Variants in AVPI1 observed in about 807,000 individuals in gnomAD.
AVPI1 encodes arginine vasopressin induced 1.
Under a neutral mutation model 11.9 loss-of-function variants are expected in AVPI1, and 9 were observed. The ratio of observed to expected loss-of-function variants is 0.76; its 90% CI spans 0.46 to 1.32. The LOEUF is 1.32. Among genes scored for constraint, AVPI1 ranks in the 40% most tolerant of loss-of-function variants. The probability of loss-of-function intolerance (pLI) is 0.00; values close to 1 mark genes in which losing one functional copy is unlikely to be tolerated. For synonymous variants in AVPI1, 68 were observed against 78.1 expected (o/e 0.87, Z 0.68); for missense variants, 207 against 195.8 (o/e 1.06, Z -0.34).
chr10:97,682,042 G>A (rs1282586942), intron 1 of AVPI1, among the ~76,000 whole-genome samples: 2 of 152,228 alleles, frequency 1.3e-5, no homozygotes, highest in Non-Finnish European at 2.9e-5. Context: ...GCAGGAGGAT[G>A]TGCGCAGTCT....
At chr10:97,683,427 G>T (rs1437753367) in intron 1 of AVPI1, among the ~76,000 whole-genome samples, 1 of 152,214 alleles carries the variant, frequency 6.6e-6, no homozygotes, top group African/African-American at 2.4e-5. Context: ...CCAAAGTGTT[G>T]TGATTACAGG....
At chr10:97,682,732 G>A (rs529647944) in intron 1 of AVPI1, among the ~76,000 whole-genome samples, 1 of 152,220 alleles carries the variant, frequency 6.6e-6, no homozygotes, top group South Asian at 2.1e-4. Flanking sequence ...GTTTTCAAAA[G>A]ATTTAACAAC....
chr10:97,680,314 A>T (rs1300170666), intron 1 of AVPI1, among the ~76,000 whole-genome samples: 1 of 152,230 alleles, frequency 6.6e-6, no homozygotes, highest in Non-Finnish European at 1.5e-5. Flanking sequence ...AGGCACCTGT[A>T]ACAGCTTGCT....
intron 2 of AVPI1, among the ~76,000 whole-genome samples, chr10:97,679,246 G>C (rs193201092): frequency 9.2e-4 from 138 of 149,742 alleles, no homozygotes; most frequent in Middle Eastern, 6.8e-3. Flanking sequence ...CCAGATTCAA[G>C]TGACTCTCCT....
Position 97,679,560 on chromosome 10 carries a change from T to A in AVPI1, c.287+59A>T. 4 of 1,523,040 alleles carry A rather than the reference T, an allele frequency of 2.6e-6. No homozygotes were observed. The South Asian group carries it at 3.9e-5, about 15-fold the overall frequency. The allele number at this position is 1,523,040 out of a possible 1,614,324, so 94.3% of individuals were successfully genotyped here. ...TAACTAGCTCCAGGCCACACAGCCA[T>A]GCAGTGGTGGAACAGGCATTAGTGC... On this transcript the variant is annotated intron_variant, in intron 2 of 2. Transcript: ENST00000370626.
chr10:97,678,920 TGTGTGTGTGTGTGTG>T (rs2041683542), intron 2 of AVPI1, among the ~76,000 whole-genome samples: 1 of 14,484 alleles, frequency 6.9e-5, no homozygotes, highest in African/African-American at 2.4e-4. Flanking sequence ...TGTGTGTGTG[TGTGTGTGTGTGTGTG>T]TGTGTGTGTG....
At chr10:97,679,307 G>C (rs2041689858) in intron 2 of AVPI1, among the ~76,000 whole-genome samples, 1 of 151,846 alleles carries the variant, frequency 6.6e-6, no homozygotes, top group Non-Finnish European at 1.5e-5. Flanking sequence ...ACCACACCCA[G>C]CTAATTTTTG....
chr10:97,686,646 G>A (rs1267122277), intron 1 of AVPI1, 120 bp downstream of exon 1: 4 of 152,168 alleles, frequency 2.6e-5, no homozygotes, highest in African/African-American at 4.8e-5. Flanking sequence ...GCCTTTCGGA[G>A]GCTATCTGCT....
In AVPI1 at chr10:97,681,884, C is replaced by CA. The variant is rs1171672735; in HGVS notation, c.-10-1970dup. On this transcript the variant is annotated intron_variant, in intron 1 of 2. Transcript: ENST00000370626. ...TGGGCGACAGAGCGAGACTCCGTCTCAAAAAAAAAGAAAAAAAAAAAAAAA... is the reference window on the plus strand; with the variant it reads ...TGGGCGACAGAGCGAGACTCCGTCTCAAAAAAAAAAGAAAAAAAAAAAAAAA... Among the ~76,000 whole-genome samples, 51 of 35,742 alleles carry CA rather than the reference C, an allele frequency of 1.4e-3. 1 individual carries two copies. The highest frequency in any genetic ancestry group is 0.014 in the Middle Eastern group (1 of 72). 23.4% of individuals were successfully genotyped at this position (35,742 alleles called of 152,430 possible).
chr10:97,678,924 TGTGTGTGTGTGTGTGTGTGTGTGTGTG>T lies in AVPI1; in HGVS notation c.287+668_287+694del, dbSNP rs2041683977. On this transcript the variant is annotated intron_variant, in intron 2 of 2. Transcript: ENST00000370626. ...GTGTGTGTGTGTGTGTGTGTGTGTGTGTGTGTGTGTGTGTGTGTGTGTGTGTGTGTGTGTGTGTGTGTGTGTGTGTGT... is the reference window on the plus strand; with the variant it reads ...GTGTGTGTGTGTGTGTGTGTGTGTGTTGTGTGTGTGTGTGTGTGTGTGTGT... Among the ~76,000 whole-genome samples, 11 of 17,574 alleles carry T rather than the reference TGTGTGTGTGTGTGTGTGTGTGTGTGTG, an allele frequency of 6.3e-4. 2 individuals carry two copies. Among genetic ancestry groups the T allele is most frequent in the Admixed American group, 3.6e-3 (6 of 1,644 alleles). 11.5% of individuals were successfully genotyped at this position (17,574 alleles called of 152,430 possible). A position where few individuals can be genotyped will look rare whatever the true frequency, so the allele number is the denominator to read the frequency against.
At position 97,679,599 on chromosome 10, in the gene AVPI1, A is replaced by G. The variant is rs1467438657; in HGVS notation, c.287+20T>C. 2 of 1,596,690 alleles carry G rather than the reference A, an allele frequency of 1.3e-6. No homozygotes were observed. Among genetic ancestry groups the G allele is most frequent in the Non-Finnish European group, 1.7e-6 (2 of 1,170,448 alleles). On this transcript the variant is annotated intron_variant, in intron 2 of 2. Coordinates refer to ENST00000370626, the MANE Select transcript of AVPI1 (RefSeq NM_021732.3). The stretch of plus-strand genomic sequence containing the variant: ...AGGCATTAGTGCTCTTCCCTCAGCC[A>G]TCCGGTTCTAGGAACCTACCTGAGG...
At position 97,686,020 on chromosome 10, in the gene AVPI1, C is replaced by T. The variant is rs118127385; in HGVS notation, c.-11+746G>A. ...GTATAAGGCCAGGCCTGGTGGCTCACGCCTGTAATCCCAGCACTTTGGGAG... is the reference window on the plus strand; with the variant it reads ...GTATAAGGCCAGGCCTGGTGGCTCATGCCTGTAATCCCAGCACTTTGGGAG... On this transcript the variant is annotated intron_variant, in intron 1 of 2. Coordinates refer to ENST00000370626, the MANE Select transcript of AVPI1 (RefSeq NM_021732.3). Among the ~76,000 whole-genome samples, 72 of 152,280 alleles carry T rather than the reference C, an allele frequency of 4.7e-4. 1 individual carries two copies. In the East Asian group the frequency reaches 9.3e-3, roughly 20 times the overall value.
At chr10:97,684,497 CTTTTTTT>C (rs5787253) in intron 1 of AVPI1, among the ~76,000 whole-genome samples, 2 of 117,568 alleles carry the variant, frequency 1.7e-5, no homozygotes, top group East Asian at 4.9e-4. Context: ...TCTTTTTACT[CTTTTTTT>C]TTTTTTTTTT....
At position 97,679,811 on chromosome 10, in the gene AVPI1, T is replaced by C. The variant is rs2041694052; in HGVS notation, c.95A>G (p.Gln32Arg). ...GRKQASANIF[Q>R]DAELLQIQAL... ...TTGGATCTGCAGCAGCTCGGCGTCC[T>C]GGAAGATGTTGGCCGAGGCCTGCTT... The change falls in exon 2 of 3, where the codon CAG (glutamine) becomes CGG (arginine). Residue 32 changes from glutamine to arginine, a missense_variant. Coordinates refer to ENST00000370626, the MANE Select transcript of AVPI1 (RefSeq NM_021732.3). 2 of 1,612,714 alleles carry C rather than the reference T, an allele frequency of 1.2e-6. No individual in the cohort carries two copies. Among genetic ancestry groups the C allele is most frequent in the Non-Finnish European group, 8.5e-7 (1 of 1,179,794 alleles).
At chr10:97,685,566 G>A in intron 1 of AVPI1, among the ~76,000 whole-genome samples, 1 of 152,132 alleles carries the variant, frequency 6.6e-6, no homozygotes, top group East Asian at 1.9e-4. Flanking sequence ...CTGTAATCAG[G>A]GGCCTAGGGG....
At chr10:97,681,232 A>T (rs2041701503) in intron 1 of AVPI1, among the ~76,000 whole-genome samples, 1 of 152,230 alleles carries the variant, frequency 6.6e-6, no homozygotes, top group African/African-American at 2.4e-5. Context: ...GTTACCCAAT[A>T]AGAGCTAAAT....
chr10:97,679,562 C>T, intron 2 of AVPI1, 57 bp downstream of exon 2: 2 of 1,522,716 alleles, frequency 1.3e-6, no homozygotes, highest in South Asian at 1.3e-5. Flanking sequence ...CACAGCCATG[C>T]AGTGGTGGAA....
intron 2 of AVPI1, 85 bp downstream of exon 2, chr10:97,679,534 G>C (rs2041691367): frequency 6.9e-7 from 1 of 1,454,616 alleles, no homozygotes; most frequent in African/African-American, 1.4e-5. Context: ...GTGAGGCCAA[G>C]TAACTAGCTC....
chr10:97,684,659 C>A (rs2041720454), intron 1 of AVPI1, among the ~76,000 whole-genome samples: 1 of 151,698 alleles, frequency 6.6e-6, no homozygotes, highest in Non-Finnish European at 1.5e-5. Context: ...CACCACACGC[C>A]CGACTAATTT....
Sources: gnomAD v4.1 joint callset for allele counts (sites outside exome capture counted in the v4.1 genomes callset) on GRCh38, gnomAD v4.1.1 for gene constraint, MANE v1.5 for transcripts, NCBI Gene and HGNC (gene_info 2026-07-23, HGNC 2026-07-21) for gene names.